PDE4B: variants seen among roughly 807,000 people sequenced by gnomAD.
PDE4B encodes the protein 3',5'-cyclic-AMP phosphodiesterase 4B.
In PDE4B, 20 loss-of-function variants were observed where a neutral mutation model predicts 82.2. The ratio of observed to expected loss-of-function variants is 0.24; its 90% CI spans 0.17 to 0.35. PDE4B has a LOEUF of 0.35. Ranked by LOEUF, PDE4B falls within the 10% of genes least tolerant of loss-of-function variation. The pLI, the probability that PDE4B is intolerant of heterozygous loss-of-function variation, is 1.00. For missense variants in PDE4B, 655 were observed against 907.2 expected, an observed-to-expected ratio of 0.72 and a Z score of 3.57; for synonymous variants, 320 against 318.9, an observed-to-expected ratio of 1.00 and a Z score of -0.04.
At chr1:66,323,273 C>G (rs1341194632) in intron 7 of PDE4B, among the ~76,000 whole-genome samples, 1 of 152,162 alleles carries the variant, frequency 6.6e-6, no homozygotes, top group East Asian at 1.9e-4. Context: ...ATACTTTCCT[C>G]TCCCTTGACA....
intron 3 of PDE4B, among the ~76,000 whole-genome samples, chr1:66,144,189 G>A (rs759901631): frequency 6.6e-6 from 1 of 152,138 alleles, no homozygotes; most frequent in Admixed American, 6.6e-5. Context: ...CCGTGCAAAC[G>A]GTTCCAGGTT....
chr1:66,010,661 T>C (rs1652433810), intron 3 of PDE4B, among the ~76,000 whole-genome samples: 1 of 151,316 alleles, frequency 6.6e-6, no homozygotes, highest in South Asian at 2.1e-4. Flanking sequence ...TTTCAATGAC[T>C]TTCTAAATTC....
At chr1:66,253,974 A>ATCTT (rs753790347) in intron 4 of PDE4B, among the ~76,000 whole-genome samples, 23 of 152,252 alleles carry the variant, frequency 1.5e-4, no homozygotes, top group Non-Finnish European at 2.8e-4. Context: ...TCTCCCTTTA[A>ATCTT]TCTTTGGATT....
chr1:66,355,061 A>G, intron 8 of PDE4B: 1 of 597,240 alleles, frequency 1.7e-6, no homozygotes, highest in Non-Finnish European at 2.9e-6. Flanking sequence ...CATTTTATTT[A>G]AGTGTACTAT....
chr1:66,087,950 A>G (rs550532161), intron 3 of PDE4B, among the ~76,000 whole-genome samples: 11 of 151,700 alleles, frequency 7.3e-5, no homozygotes, highest in East Asian at 3.9e-4. Flanking sequence ...GCACACCAGC[A>G]TGGCACATGT....
At chr1:65,894,365 A>T (rs1356320936) in intron 1 of PDE4B, among the ~76,000 whole-genome samples, 3 of 152,186 alleles carry the variant, frequency 2.0e-5, no homozygotes, top group Admixed American at 1.3e-4. Flanking sequence ...ATAATAACTC[A>T]TGCTATATAA....
intron 1 of PDE4B, among the ~76,000 whole-genome samples, chr1:65,856,170 A>G (rs1219396702): frequency 6.6e-6 from 1 of 152,160 alleles, no homozygotes; most frequent in Non-Finnish European, 1.5e-5. Flanking sequence ...TGAACATGCA[A>G]TCAATGTGCA....
At chr1:66,204,768 A>G in intron 3 of PDE4B, among the ~76,000 whole-genome samples, 1 of 152,222 alleles carries the variant, frequency 6.6e-6, no homozygotes. Context: ...TGACTAGGAA[A>G]GGGAACTCCC....
intron 1 of PDE4B, among the ~76,000 whole-genome samples, chr1:65,889,487 G>A (rs375631467): frequency 1.3e-5 from 2 of 149,840 alleles, no homozygotes; most frequent in Non-Finnish European, 3.0e-5. Flanking sequence ...TATTAATACT[G>A]TAGGTAACTC....
At chr1:65,910,919 A>C (rs1036511468) in intron 1 of PDE4B, among the ~76,000 whole-genome samples, 5 of 152,140 alleles carry the variant, frequency 3.3e-5, no homozygotes, top group Admixed American at 2.6e-4. Context: ...GAAAACAATC[A>C]ATCTATATTT....
chr1:66,324,896 T>A (rs1249271204), intron 7 of PDE4B, among the ~76,000 whole-genome samples: 3 of 152,172 alleles, frequency 2.0e-5, no homozygotes, highest in African/African-American at 7.2e-5. Flanking sequence ...TGTTGCACTC[T>A]AACCTGAGTG....
At chr1:66,157,565 C>T (rs1646525005) in intron 3 of PDE4B, among the ~76,000 whole-genome samples, 2 of 152,208 alleles carry the variant, frequency 1.3e-5, no homozygotes, top group South Asian at 4.1e-4. Context: ...TTCATTCCCT[C>T]AACTCCTTCT....
chr1:66,096,508 T>TCATATATATATATATATA lies in PDE4B; in HGVS notation c.282-150952_282-150951insCATATATATATATATATA, dbSNP rs59931848. The stretch of plus-strand genomic sequence containing the variant: ...TTAAATGCGGTATAAGTAAAAAAAA[T>TCATATATATATATATATA]TATATATATATATATATATATATAT... On this transcript the variant is annotated intron_variant, in intron 3 of 16. Coordinates refer to ENST00000341517, the MANE Select transcript of PDE4B (RefSeq NM_002600.4). 3.3e-3 allele frequency among the ~76,000 whole-genome samples: 359 copies of TCATATATATATATATATA among 107,256 alleles called. 54 individuals carry two copies. Among genetic ancestry groups the TCATATATATATATATATA allele is most frequent in the Non-Finnish European group, 4.7e-3 (256 of 54,016 alleles). 70.4% of individuals were successfully genotyped at this position (107,256 alleles called of 152,430 possible).
intron 3 of PDE4B, among the ~76,000 whole-genome samples, chr1:66,005,862 C>T (rs1652119503): frequency 6.6e-6 from 1 of 152,238 alleles, no homozygotes. Context: ...AGCTGAATCC[C>T]TAATGCCCAC....
At chr1:65,941,294 A>G (rs551379517) in intron 3 of PDE4B, among the ~76,000 whole-genome samples, 2 of 152,152 alleles carry the variant, frequency 1.3e-5, no homozygotes, top group African/African-American at 2.4e-5. Context: ...GGATCCTGGG[A>G]CAGCTTCGCT....
At chr1:66,187,280 T>A (rs892770888) in intron 3 of PDE4B, among the ~76,000 whole-genome samples, 1 of 151,942 alleles carries the variant, frequency 6.6e-6, no homozygotes, top group African/African-American at 2.4e-5. Flanking sequence ...TCAAGAATAT[T>A]GGTCTAAAAT....
chr1:66,264,406 C>T (rs1414772677), intron 6 of PDE4B, among the ~76,000 whole-genome samples: 3 of 152,112 alleles, frequency 2.0e-5, no homozygotes, highest in African/African-American at 7.2e-5. Context: ...TCTGGCTGTG[C>T]CAATTATAAA....
At chr1:66,316,227 G>C (rs1659019262) in intron 7 of PDE4B, among the ~76,000 whole-genome samples, 1 of 152,184 alleles carries the variant, frequency 6.6e-6, no homozygotes, top group South Asian at 2.1e-4. Context: ...AACGAACTTT[G>C]TAGTGTAATC....
chr1:66,340,147 A>G (rs1660866199), intron 8 of PDE4B, among the ~76,000 whole-genome samples: 2 of 152,004 alleles, frequency 1.3e-5, no homozygotes, highest in African/African-American at 2.4e-5. Context: ...TCCCTCTAGC[A>G]TTTTTCAGGG....
Sources: gnomAD v4.1 joint callset for allele counts (sites outside exome capture counted in the v4.1 genomes callset) on GRCh38, gnomAD v4.1.1 for gene constraint, MANE v1.5 for transcripts, NCBI Gene and HGNC (gene_info 2026-07-23, HGNC 2026-07-21) for gene names.